COL5A2: variants seen among roughly 807,000 people sequenced by gnomAD.
COL5A2 encodes the protein collagen type V alpha 2 chain, also known as collagen alpha-2(V) chain.
In COL5A2, 23 loss-of-function variants were observed where a neutral mutation model predicts 208.2. The ratio of observed to expected loss-of-function variants is 0.11; its 90% CI spans 0.08 to 0.16. The LOEUF is 0.16. COL5A2 is among the 10% of genes least tolerant of loss of function. COL5A2 has a pLI of 1.00. For missense variants in COL5A2, 1,590 were observed against 1,956.4 expected (o/e 0.81, Z 3.53); for synonymous variants, 625 against 628.5 (o/e 0.99, Z 0.08).
chr2:189,284,561 C>T, the COL5A2 span, among the ~76,000 whole-genome samples: 36 of 152,128 alleles, frequency 2.4e-4, no homozygotes, highest in African/African-American at 8.4e-4. Context: ...GGGGGAAGTC[C>T]GCCCCCATGA....
At chr2:189,138,494 T>C (rs998691209) in intron 1 of COL5A2, among the ~76,000 whole-genome samples, 1 of 152,138 alleles carries the variant, frequency 6.6e-6, no homozygotes, top group Non-Finnish European at 1.5e-5. Context: ...ATACAACTAT[T>C]AGTACACACA....
the COL5A2 span, among the ~76,000 whole-genome samples, chr2:189,232,801 G>C: frequency 9.6e-3 from 1,454 of 151,774 alleles, 31 homozygotes; most frequent in African/African-American, 0.032. Context: ...AAGATGGCCA[G>C]CTATGAACCA....
At chr2:189,332,359 G>A in the COL5A2 span, among the ~76,000 whole-genome samples, 5 of 152,092 alleles carry the variant, frequency 3.3e-5, no homozygotes, top group Non-Finnish European at 5.9e-5. Flanking sequence ...GGAATATATG[G>A]AACATTCACC....
chr2:189,368,539 T>C, the COL5A2 span, among the ~76,000 whole-genome samples: 3 of 152,326 alleles, frequency 2.0e-5, no homozygotes, highest in African/African-American at 7.2e-5. Flanking sequence ...CCTGTTAATA[T>C]ACTTTCCTTC....
At chr2:189,058,106 A>G (rs1383738431) in intron 33 of COL5A2, among the ~76,000 whole-genome samples, 2 of 152,300 alleles carry the variant, frequency 1.3e-5, no homozygotes, top group Non-Finnish European at 2.9e-5. Context: ...TAAATTATGT[A>G]ATTTTCTATT....
the COL5A2 span, among the ~76,000 whole-genome samples, chr2:189,274,201 G>A: frequency 6.6e-6 from 1 of 151,876 alleles, no homozygotes; most frequent in South Asian, 2.1e-4. Flanking sequence ...AGATAAATAA[G>A]GTATAACCCA....
chr2:189,284,143 G>GT, the COL5A2 span, among the ~76,000 whole-genome samples: 1 of 152,002 alleles, frequency 6.6e-6, no homozygotes, highest in African/African-American at 2.4e-5. Flanking sequence ...GATATTTATA[G>GT]TTTTTTCAAA....
chr2:189,046,323 T>C (rs1297175896), intron 45 of COL5A2, among the ~76,000 whole-genome samples: 1 of 152,196 alleles, frequency 6.6e-6, no homozygotes, highest in African/African-American at 2.4e-5. Flanking sequence ...CCTCTCCTTA[T>C]GTATTCTTTC....
chr2:189,268,026 T>C, the COL5A2 span, among the ~76,000 whole-genome samples: 1 of 152,200 alleles, frequency 6.6e-6, no homozygotes, highest in South Asian at 2.1e-4. Flanking sequence ...GCTTTATATG[T>C]TTCCCTATCC....
At chr2:189,043,103 G>A (rs1399472587) in intron 48 of COL5A2, 48 bp downstream of exon 48, 20 of 1,320,606 alleles carry the variant, frequency 1.5e-5, no homozygotes, top group South Asian at 6.0e-5. Context: ...CAAGATACCC[G>A]TGTATTTTCA....
chr2:189,102,212 A>T (rs1687060100), intron 3 of COL5A2, among the ~76,000 whole-genome samples: 1 of 152,078 alleles, frequency 6.6e-6, no homozygotes, highest in Non-Finnish European at 1.5e-5. Flanking sequence ...TGCTAAGAAT[A>T]GTTGTGAAAT....
At chr2:189,320,939 G>A in the COL5A2 span, among the ~76,000 whole-genome samples, 1 of 152,180 alleles carries the variant, frequency 6.6e-6, no homozygotes, top group Non-Finnish European at 1.5e-5. Flanking sequence ...ACCCACACAG[G>A]GAAGCCTATC....
At chr2:189,433,085 G>C in the COL5A2 span, among the ~76,000 whole-genome samples, 1 of 152,026 alleles carries the variant, frequency 6.6e-6, no homozygotes, top group Non-Finnish European at 1.5e-5. Context: ...ATGACTACTA[G>C]GTAAATAACG....
At chr2:189,037,131 T>C (rs757609275) in intron 51 of COL5A2, among the ~76,000 whole-genome samples, 4 of 152,156 alleles carry the variant, frequency 2.6e-5, no homozygotes, top group African/African-American at 7.2e-5. Context: ...ATAGATGTGT[T>C]TCCAATATTT....
At chr2:189,190,340 C>T (rs11676812) in intron 1 of COL5A2, among the ~76,000 whole-genome samples, 22,881 of 152,050 alleles carry the variant, frequency 0.15, 2,058 homozygotes, top group South Asian at 0.2. Context: ...TATAAATGTG[C>T]CTTGTCTTCC....
chr2:189,338,498 C>T, the COL5A2 span, among the ~76,000 whole-genome samples: 4 of 152,188 alleles, frequency 2.6e-5, no homozygotes, highest in African/African-American at 9.6e-5. Context: ...AAGGCCTCTT[C>T]TCCGTTCCTA....
chr2:189,089,947 A>G lies in COL5A2; in HGVS notation c.568-1175T>C, dbSNP rs528943925. 1.5e-4 allele frequency among the ~76,000 whole-genome samples: 23 copies of G among 152,252 alleles called. 2 individuals are homozygous for G. The South Asian group carries it at 4.6e-3, about 30-fold the overall frequency. Reference sequence around the variant, plus strand: ...ACACAACAACATTAAAATTAGGTCAATTAATAACCCAACAATGGCCTCTAA... The same window carrying G: ...ACACAACAACATTAAAATTAGGTCAGTTAATAACCCAACAATGGCCTCTAA... On this transcript the variant is annotated intron_variant, in intron 7 of 53. Transcript: ENST00000374866.
At chr2:189,318,759 G>A in the COL5A2 span, among the ~76,000 whole-genome samples, 2 of 152,142 alleles carry the variant, frequency 1.3e-5, no homozygotes, top group South Asian at 4.1e-4. Flanking sequence ...TCTCAGATCT[G>A]GGGGAGGAAA....
intron 1 of COL5A2, among the ~76,000 whole-genome samples, chr2:189,141,260 TTAA>T (rs1687929125): frequency 6.6e-6 from 1 of 152,216 alleles, no homozygotes; most frequent in South Asian, 2.1e-4. Flanking sequence ...AAGGTTACCA[TTAA>T]TAATAATAAT....
Sources: allele counts gnomAD v4.1 joint callset (sites outside exome capture counted in the v4.1 genomes callset), GRCh38; gene constraint gnomAD v4.1.1; transcripts MANE v1.5; gene names NCBI Gene and HGNC (gene_info 2026-07-23, HGNC 2026-07-21).